Variants in EXOC4 observed in about 807,000 individuals in gnomAD.
EXOC4 encodes SEC8-like 1.
A neutral mutation model predicts 107.2 loss-of-function variants in EXOC4; 71 were observed. The observed-to-expected ratio is 0.66, with a 90% confidence interval of 0.55 to 0.81. The LOEUF (loss-of-function observed/expected upper bound fraction) is 0.81, where lower values mean the gene tolerates loss of function less well. Among genes scored for constraint, EXOC4 ranks in the 30% least tolerant of loss-of-function variants. The pLI is 0.00. For synonymous variants in EXOC4, 456 were observed against 441.2 expected (o/e 1.03, Z -0.42); for missense variants, 1,108 against 1,189.6 (o/e 0.93, Z 1.01).
intron 5 of EXOC4, among the ~76,000 whole-genome samples, chr7:133,341,873 A>G (rs1016929101): frequency 6.6e-6 from 1 of 152,058 alleles, no homozygotes; most frequent in African/African-American, 2.4e-5. Flanking sequence ...TTTCCTGTCC[A>G]CATGCATGGA....
chr7:133,994,354 G>C (rs577910156), intron 14 of EXOC4, among the ~76,000 whole-genome samples: 44 of 152,244 alleles, frequency 2.9e-4, no homozygotes, highest in African/African-American at 1.0e-3. Context: ...CTATCGGGGG[G>C]AGGAGGGCAA....
At chr7:133,279,675 T>C (rs1314404264) in intron 2 of EXOC4, among the ~76,000 whole-genome samples, 2 of 152,082 alleles carry the variant, frequency 1.3e-5, no homozygotes, top group African/African-American at 4.8e-5. Context: ...CATTCCACCA[T>C]GCCTGGCTAA....
intron 11 of EXOC4, among the ~76,000 whole-genome samples, chr7:133,878,222 C>G (rs1428897915): frequency 1.3e-5 from 2 of 152,072 alleles, no homozygotes; most frequent in Middle Eastern, 3.2e-3. Context: ...TTGCATTTTC[C>G]CAGATGCATT....
chr7:133,752,947 C>G (rs1458875742), intron 10 of EXOC4, among the ~76,000 whole-genome samples: 1 of 152,216 alleles, frequency 6.6e-6, no homozygotes, highest in Non-Finnish European at 1.5e-5. Context: ...ATGCCCACCT[C>G]TGATGCCATG....
At chr7:133,659,000 CTTTTTTTTTTTTTT>C (rs397890140) in intron 10 of EXOC4, among the ~76,000 whole-genome samples, 2 of 40,138 alleles carry the variant, frequency 5.0e-5, no homozygotes, top group African/African-American at 2.0e-4. Context: ...TTCAGAGAAG[CTTTTTTTTTTTTTT>C]TTTTTTTTTT....
At chr7:133,531,380 G>A (rs1051698485) in intron 9 of EXOC4, among the ~76,000 whole-genome samples, 10 of 152,176 alleles carry the variant, frequency 6.6e-5, no homozygotes, top group Non-Finnish European at 1.0e-4. Flanking sequence ...GTAATAAACC[G>A]TTTCATGTTT....
intron 2 of EXOC4, among the ~76,000 whole-genome samples, chr7:133,288,578 C>A (rs1190556574): frequency 6.6e-6 from 1 of 152,146 alleles, no homozygotes; most frequent in Non-Finnish European, 1.5e-5. Flanking sequence ...ATAGCATGGA[C>A]TCTCACATTG....
intron 7 of EXOC4, among the ~76,000 whole-genome samples, chr7:133,474,740 C>G (rs570494676): frequency 6.6e-6 from 1 of 151,976 alleles, no homozygotes; most frequent in Non-Finnish European, 1.5e-5. Context: ...TCTCTTTTTG[C>G]AGGTTTGTTT....
chr7:134,090,720 TC>T, the EXOC4 span, among the ~76,000 whole-genome samples: 2 of 152,000 alleles, frequency 1.3e-5, no homozygotes, highest in Admixed American at 6.6e-5. Context: ...TCTTAGGTTT[TC>T]CCTTTTAGGG....
At position 133,957,397 on chromosome 7, in the gene EXOC4, A is replaced by G. The variant is rs77954919; in HGVS notation, c.2206+19328A>G. Among the ~76,000 whole-genome samples, 578 of 152,340 alleles carry G rather than the reference A, an allele frequency of 3.8e-3. 4 individuals carry two copies. Among genetic ancestry groups the G allele is most frequent in the African/African-American group, 0.013 (530 of 41,576 alleles). On this transcript the variant is annotated intron_variant, in intron 14 of 17. Transcript: ENST00000253861. ...ATATACATTAATTAAAATATCTACC[A>G]TAACTTTCAAGCACTTACTTTTGAA...
intron 14 of EXOC4, among the ~76,000 whole-genome samples, chr7:133,975,757 A>G (rs2116893184): frequency 6.6e-6 from 1 of 152,284 alleles, no homozygotes; most frequent in South Asian, 2.1e-4. Context: ...ACACACACAC[A>G]CACACACACA....
chr7:133,506,797 G>A (rs932260053), intron 9 of EXOC4, among the ~76,000 whole-genome samples: 4 of 151,922 alleles, frequency 2.6e-5, no homozygotes. Context: ...ATTAGAGTGT[G>A]TACCTGATTA....
chr7:133,963,705 G>A (rs1016222546), intron 14 of EXOC4, among the ~76,000 whole-genome samples: 5 of 152,224 alleles, frequency 3.3e-5, no homozygotes, highest in Non-Finnish European at 7.3e-5. Flanking sequence ...TTGGCACTGA[G>A]TAAGAAAGTA....
chr7:133,536,723 G>A (rs1392809466), intron 9 of EXOC4, among the ~76,000 whole-genome samples: 1 of 151,968 alleles, frequency 6.6e-6, no homozygotes, highest in Non-Finnish European at 1.5e-5. Flanking sequence ...TCAAGTGCTG[G>A]TGTGGGGACT....
At chr7:133,657,331 C>G (rs927138586) in intron 10 of EXOC4, among the ~76,000 whole-genome samples, 1 of 151,956 alleles carries the variant, frequency 6.6e-6, no homozygotes, top group South Asian at 2.1e-4. Flanking sequence ...ATTTTACTTC[C>G]GAGCATTTTT....
the EXOC4 span, among the ~76,000 whole-genome samples, chr7:134,073,028 AACCCCATGTC>A: frequency 6.6e-6 from 1 of 151,692 alleles, no homozygotes; most frequent in Non-Finnish European, 1.5e-5. Flanking sequence ...AACATGGTGA[AACCCCATGTC>A]TACTAAAAAT....
chr7:133,953,035 C>T (rs1225582074), intron 14 of EXOC4, among the ~76,000 whole-genome samples: 1 of 152,166 alleles, frequency 6.6e-6, no homozygotes, highest in African/African-American at 2.4e-5. Context: ...GGAAATTAGT[C>T]ATTTGAGATT....
intron 7 of EXOC4, among the ~76,000 whole-genome samples, chr7:133,463,816 A>G (rs1227498549): frequency 6.6e-6 from 1 of 152,150 alleles, no homozygotes; most frequent in East Asian, 1.9e-4. Flanking sequence ...AAGGAGAAGA[A>G]TGATAACTTT....
At chr7:133,375,402 G>T (rs1404766833) in intron 7 of EXOC4, among the ~76,000 whole-genome samples, 1 of 152,110 alleles carries the variant, frequency 6.6e-6, no homozygotes, top group African/African-American at 2.4e-5. Context: ...CTTGAACTCG[G>T]GAGGCAGAGT....
Sources: allele counts gnomAD v4.1 joint callset (sites outside exome capture counted in the v4.1 genomes callset), GRCh38; gene constraint gnomAD v4.1.1; transcripts MANE v1.5; gene names NCBI Gene and HGNC (gene_info 2026-07-23, HGNC 2026-07-21).